The following DMD variants were observed in gnomAD, a reference collection of about 807,000 sequenced individuals.
DMD encodes mutant dystrophin.
A neutral mutation model predicts 330.1 loss-of-function variants in DMD; 63 were observed. The observed-to-expected ratio is 0.19, with a 90% CI of 0.16 to 0.24. The LOEUF is 0.24. Among genes scored for constraint, DMD ranks in the 10% least tolerant of loss-of-function variants. The pLI, the probability that DMD is intolerant of heterozygous loss-of-function variation, is 1.00. For synonymous variants in DMD, 1,223 were observed against 959.8 expected (o/e 1.27, Z -5.07); for missense variants, 3,344 against 2,684.1 (o/e 1.25, Z -5.43).
At chrX:32,386,271 A>G in intron 33 of DMD, 39 bp downstream of exon 33, 8 of 1,200,596 alleles carry the variant, frequency 6.7e-6, no homozygotes, top group Non-Finnish European at 9.0e-6. Context: ...TTTATAAGGA[A>G]AGTGGAAAGA....
chrX:32,757,518 C>G (rs1165915746), intron 7 of DMD, among the ~76,000 whole-genome samples: 2 of 111,072 alleles, frequency 1.8e-5, no homozygotes, highest in Admixed American at 9.6e-5. Flanking sequence ...TGGGAGGGAC[C>G]TGGTAGGAGG....
At chrX:33,184,601 TAATA>T (rs917520798) in intron 1 of DMD, among the ~76,000 whole-genome samples, 1 of 111,053 alleles carries the variant, frequency 9.0e-6, no homozygotes, top group Non-Finnish European at 1.9e-5. Context: ...AAGATGAAAA[TAATA>T]AATAAAATAA....
intron 2 of DMD, among the ~76,000 whole-genome samples, chrX:33,000,237 AT>A (rs61431492): frequency 1.9e-4 from 21 of 111,046 alleles, no homozygotes; most frequent in African/African-American, 6.6e-4. Flanking sequence ...TCAATTCACA[AT>A]TTTTTTTAAA....
At chrX:31,882,048 T>C (rs1271578860) in intron 47 of DMD, among the ~76,000 whole-genome samples, 1 of 112,198 alleles carries the variant, frequency 8.9e-6, no homozygotes, top group African/African-American at 3.2e-5. Context: ...AATCTATAAA[T>C]TCAATGCAAT....
intron 1 of DMD, among the ~76,000 whole-genome samples, chrX:33,260,400 A>G (rs6631766): frequency 0.077 from 8,625 of 111,471 alleles, 820 homozygotes; most frequent in African/African-American, 0.27. Context: ...TCTCCAGTCC[A>G]GTTACTTTTC....
rs143169976 is a variant in DMD at position 31,460,900 on chromosome X, C to T, written c.8938-16273G>A. ...GCCGGCCATGACTAAATATTTTTAA[C>T]GTTAAAAATTAATACTGGGAAGGCA... is the stretch of plus-strand genomic sequence containing the variant. On this transcript the variant is annotated intron_variant, in intron 59 of 78. Coordinates refer to ENST00000357033, the MANE Select transcript of DMD (RefSeq NM_004006.3). Among the ~76,000 whole-genome samples the T allele has an allele frequency of 1.8e-3, 204 of 111,774 alleles. 1 individual carries two copies. Among genetic ancestry groups the T allele is most frequent in the African/African-American group, 5.6e-3 (172 of 30,777 alleles).
At chrX:31,334,755 G>C (rs186509306) in intron 61 of DMD, among the ~76,000 whole-genome samples, 2 of 111,874 alleles carry the variant, frequency 1.8e-5, no homozygotes, top group African/African-American at 6.5e-5. Flanking sequence ...GGCTTTTAAC[G>C]ATAGCCAACC....
At chrX:32,712,076 A>G (rs776091957) in intron 7 of DMD, among the ~76,000 whole-genome samples, 1 of 112,234 alleles carries the variant, frequency 8.9e-6, no homozygotes, top group East Asian at 2.8e-4. Context: ...AAATGTATAT[A>G]CACATGTATA....
chrX:32,053,401 A>G (rs1243934773), intron 44 of DMD, among the ~76,000 whole-genome samples: 1 of 111,099 alleles, frequency 9.0e-6, no homozygotes, highest in Non-Finnish European at 1.9e-5. Context: ...AGTTTACTAG[A>G]TCAACACAGA....
intron 60 of DMD, among the ~76,000 whole-genome samples, chrX:31,404,400 A>G (rs778114269): frequency 9.0e-6 from 1 of 111,345 alleles, no homozygotes; most frequent in Non-Finnish European, 1.9e-5. Flanking sequence ...ACACCAATAT[A>G]TATTTTCTCT....
chrX:31,695,036 C>T (rs1031255412), intron 52 of DMD, among the ~76,000 whole-genome samples: 2 of 110,698 alleles, frequency 1.8e-5, no homozygotes, highest in East Asian at 2.8e-4. Flanking sequence ...CATCAACATG[C>T]GAATGGATAC....
chrX:32,260,640 C>A (rs1484434436), intron 43 of DMD, among the ~76,000 whole-genome samples: 1 of 111,475 alleles, frequency 9.0e-6, no homozygotes, highest in Non-Finnish European at 1.9e-5. Context: ...TGACAGCATC[C>A]AAAAAGTAAC....
At chrX:31,856,480 C>T (rs1242202951) in intron 48 of DMD, among the ~76,000 whole-genome samples, 1 of 112,024 alleles carries the variant, frequency 8.9e-6, no homozygotes, top group Admixed American at 9.4e-5. Context: ...TACCAGATTA[C>T]TTCTGTATTC....
chrX:32,167,256 C>T (rs2096871710), intron 44 of DMD, among the ~76,000 whole-genome samples: 1 of 112,292 alleles, frequency 8.9e-6, no homozygotes, highest in African/African-American at 3.2e-5. Flanking sequence ...TAACTCTGCA[C>T]GTTGTAAGTA....
At chrX:33,104,643 GA>G (rs2095270789) in intron 1 of DMD, among the ~76,000 whole-genome samples, 1 of 111,285 alleles carries the variant, frequency 9.0e-6, no homozygotes, top group Non-Finnish European at 1.9e-5. Context: ...GCACCCAGGT[GA>G]AATAAACAGC....
chrX:31,963,346 T>A (rs191937587), intron 45 of DMD, among the ~76,000 whole-genome samples: 59 of 112,198 alleles, frequency 5.3e-4, no homozygotes, highest in African/African-American at 1.9e-3. Context: ...TACATTTTGG[T>A]TTAAGAATTC....
chrX:32,058,077 CAAAAT>C (rs1395665801), intron 44 of DMD, among the ~76,000 whole-genome samples: 4 of 110,936 alleles, frequency 3.6e-5, no homozygotes, highest in African/African-American at 1.3e-4. Flanking sequence ...AAAATCAACT[CAAAAT>C]GAAATGGAGT....
intron 13 of DMD, among the ~76,000 whole-genome samples, chrX:32,576,680 G>C (rs1035469517): frequency 1.1e-5 from 1 of 92,892 alleles, no homozygotes; most frequent in African/African-American, 3.9e-5. Context: ...TCTGACTGTG[G>C]TTGACTGCCA....
intron 2 of DMD, among the ~76,000 whole-genome samples, chrX:32,874,788 G>A (rs2083259742): frequency 9.0e-6 from 1 of 111,698 alleles, no homozygotes. Context: ...GGAGCCCTAA[G>A]ATGCCATGCA....
Sources: gnomAD v4.1 joint callset for allele counts (sites outside exome capture counted in the v4.1 genomes callset) on GRCh38, gnomAD v4.1.1 for gene constraint, MANE v1.5 for transcripts, NCBI Gene and HGNC (gene_info 2026-07-23, HGNC 2026-07-21) for gene names.